NKX6-2: variants seen among roughly 807,000 people sequenced by gnomAD.
The protein encoded by NKX6-2 is homeobox protein Nkx-6.2.
NKX6-2 carries 22 observed loss-of-function variants against 19.9 expected under a neutral mutation model. The observed-to-expected ratio is 1.10, with a 90% CI of 0.79 to 1.58. The LOEUF (loss-of-function observed/expected upper bound fraction) is 1.58, where lower values mean the gene tolerates loss of function less well. NKX6-2 is among the 40% of genes most tolerant of loss of function. NKX6-2 has a pLI of 0.00. For missense variants in NKX6-2, 475 were observed against 410.6 expected, an observed-to-expected ratio of 1.16 and a Z score of -1.35; for synonymous variants, 257 against 204.0, an observed-to-expected ratio of 1.26 and a Z score of -2.21.
rs1308215128 is a variant in NKX6-2 at position 132,783,369 on chromosome 10, C to T, written c.*1547G>A. ...TGTCGCTGCTGTGGTTGCCGCTGTC[C>T]GCGGTTCAACACGGAGTCCGCCCCG... On this transcript the variant is annotated 3_prime_UTR_variant, in exon 3 of 3. Coordinates refer to ENST00000368592, the MANE Select transcript of NKX6-2 (RefSeq NM_177400.3). 1.3e-5 allele frequency: 2 copies of T among 152,338 alleles called. No individual in the cohort carries two copies. Among genetic ancestry groups the T allele is most frequent in the East Asian group, 1.9e-4 (1 of 5,190 alleles). 9.4% of individuals were successfully genotyped at this position (152,338 alleles called of 1,614,324 possible). A position where few individuals can be genotyped will look rare whatever the true frequency, so the allele number is the denominator to read the frequency against.
rs1227464269 is a variant in NKX6-2, at chr10:132,785,471, G to A, written c.407-19C>T. Reference sequence around the variant, plus strand: ...GCCGGGGCTGCAAGGGAGGGGAAGGGAGGGAGGTCAGCGGCCGGCGGGGTC... The same window carrying A: ...GCCGGGGCTGCAAGGGAGGGGAAGGAAGGGAGGTCAGCGGCCGGCGGGGTC... On this transcript the variant is annotated intron_variant, in intron 1 of 2. Coordinates refer to ENST00000368592, the MANE Select transcript of NKX6-2 (RefSeq NM_177400.3). The surrounding 1 kb of genome is among the most constrained non-coding windows in gnomAD (Gnocchi z 5.5). 4.6e-6 allele frequency: 7 copies of A among 1,528,306 alleles called. No homozygotes were observed. Among genetic ancestry groups the A allele is most frequent in the Non-Finnish European group, 6.2e-6 (7 of 1,137,442 alleles). 94.7% of individuals were successfully genotyped at this position (1,528,306 alleles called of 1,614,324 possible).
In NKX6-2 at chr10:132,783,408, T is replaced by C. The variant is rs1847202776; in HGVS notation, c.*1508A>G. 6.6e-6 allele frequency: 1 copy of C among 152,434 alleles called. No individual in the cohort carries two copies. 9.4% of individuals were successfully genotyped at this position (152,434 alleles called of 1,614,324 possible). On this transcript the variant is annotated 3_prime_UTR_variant, in exon 3 of 3. Coordinates refer to ENST00000368592, the MANE Select transcript of NKX6-2 (RefSeq NM_177400.3). ...GAGTCCGCCCCGCGGGTTTCAGCTG[T>C]TGGTCGTTCTGAGGGGCCTTTGGAA...
Position 132,783,238 on chromosome 10 carries a change from TG to T in NKX6-2, c.*1677del, listed in dbSNP as rs1261817321. 6.6e-6 allele frequency: 1 copy of T among 152,416 alleles called. No homozygotes were observed. Among genetic ancestry groups the T allele is most frequent in the Non-Finnish European group, 1.5e-5 (1 of 68,048 alleles). The allele number at this position is 152,416 out of a possible 1,614,324, so 9.4% of individuals were successfully genotyped here. The stretch of plus-strand genomic sequence containing the variant: ...TTACTTTAGAACACTACAGAGTTCC[TG>T]GACCGGGTGAAGGCATTAGCTGGGT... On this transcript the variant is annotated 3_prime_UTR_variant, in exon 3 of 3. Coordinates refer to ENST00000368592, the MANE Select transcript of NKX6-2 (RefSeq NM_177400.3).
chr10:132,785,442 G>A lies in NKX6-2; in HGVS notation c.417C>T (p.Gly139=), dbSNP rs1219653767. The change falls in exon 2 of 3, where the codon GGC becomes GGT. Residue 139 remains glycine (G), a synonymous_variant. Coordinates refer to ENST00000368592, the MANE Select transcript of NKX6-2 (RefSeq NM_177400.3). The surrounding 1 kb of genome is among the most constrained non-coding windows in gnomAD (Gnocchi z 5.5). The part of the protein sequence containing the change: ...DPRLAGPAPA[G]GVLDKDGKKK... ...TCTTCCCGTCCTTGTCCAGGACGCC[G>A]CCGGCCGGGGCTGCAAGGGAGGGGA... 7.6e-6 allele frequency: 12 copies of A among 1,581,628 alleles called. No homozygotes were observed. In the South Asian group the frequency reaches 1.3e-4, roughly 17 times the overall value.
At position 132,785,199 on chromosome 10, in the gene NKX6-2, C is replaced by T. The variant is rs908153790; in HGVS notation, c.580-29G>A. ...GGAGTGGACGGGGCGGTCAGGCGGCCGCGGGGCCCGGGGCTGGCGCTGGGG... is the reference window on the plus strand; with the variant it reads ...GGAGTGGACGGGGCGGTCAGGCGGCTGCGGGGCCCGGGGCTGGCGCTGGGG... On this transcript the variant is annotated intron_variant, in intron 2 of 2. Transcript: ENST00000368592. This position sits in a 1 kb window ranked among gnomAD's most constrained non-coding sequence, Gnocchi z 5.5. The T allele has an allele frequency of 2.5e-6, 4 of 1,595,846 alleles. No individual in the cohort carries two copies. Among genetic ancestry groups the T allele is most frequent in the South Asian group, 1.1e-5 (1 of 89,464 alleles).
chr10:132,785,812 C>T lies in NKX6-2; in HGVS notation c.137G>A (p.Gly46Glu). Residue 46 changes from glycine (G) to glutamate (E), a missense_variant, in exon 1 of 3, where the codon GGG becomes GAG. Coordinates refer to ENST00000368592, the MANE Select transcript of NKX6-2 (RefSeq NM_177400.3). This position sits in a 1 kb window ranked among gnomAD's most constrained non-coding sequence, Gnocchi z 5.5. ...GPAGFKAPAL[G>E]GLGAQLPLGT... ...GAGCGGGAGCTGCGCGCCCAGGCCC[C>T]CCAGCGCGGGCGCCTTGAAGCCGGC... The T allele has an allele frequency of 7.2e-7, 1 of 1,379,656 alleles. No individual in the cohort carries two copies. Among genetic ancestry groups the T allele is most frequent in the Non-Finnish European group, 9.4e-7 (1 of 1,063,460 alleles). The allele number at this position is 1,379,656 out of a possible 1,614,324, so 85.5% of individuals were successfully genotyped here.
rs766531889 is a variant in NKX6-2 at position 132,785,412 on chromosome 10, C to T, written c.447G>A (p.Lys149=). ...GGVLDKDGKK[K]HSRPTFSGQQ... is the part of the protein sequence containing the mutation. The stretch of plus-strand genomic sequence containing the variant: ...GGCCCGAGAAGGTCGGGCGCGAGTG[C>T]TTCTTCTTCCCGTCCTTGTCCAGGA... The change falls in exon 2 of 3, where the codon AAG becomes AAA. Residue 149 remains lysine (K), a synonymous_variant. Transcript: ENST00000368592. This position sits in a 1 kb window ranked among gnomAD's most constrained non-coding sequence, Gnocchi z 5.5. 1.9e-6 allele frequency: 3 copies of T among 1,597,468 alleles called. No individual in the cohort carries two copies.
rs1847261125 is a variant in NKX6-2, at chr10:132,785,950, GGCGCCGCCGCCGCC to G, written c.-16_-3del. 1 of 1,087,982 alleles carries G rather than the reference GGCGCCGCCGCCGCC, an allele frequency of 9.2e-7. No homozygotes were observed. The highest frequency in any genetic ancestry group is 1.6e-5 in the African/African-American group (1 of 60,968). The allele number at this position is 1,087,982 out of a possible 1,614,324, so 67.4% of individuals were successfully genotyped here. A position where few individuals can be genotyped will look rare whatever the true frequency, so the allele number is the denominator to read the frequency against. On this transcript the variant is annotated 5_prime_UTR_variant, in exon 1 of 3. Transcript: ENST00000368592. This position sits in a 1 kb window ranked among gnomAD's most constrained non-coding sequence, Gnocchi z 5.5. ...CGCGCCCGGGCGGTTAGTGTCCATG[GGCGCCGCCGCCGCC>G]GGCCCGGGCTCCCATCCGGGCCCCG... is the stretch of plus-strand genomic sequence containing the variant.
Position 132,784,047 on chromosome 10 carries a change from C to T in NKX6-2, c.*869G>A, listed in dbSNP as rs535069804. 6.6e-6 allele frequency: 1 copy of T among 152,388 alleles called. No individual in the cohort carries two copies. The highest frequency in any genetic ancestry group is 1.9e-4 in the East Asian group (1 of 5,190). The allele number at this position is 152,388 out of a possible 1,614,324, so 9.4% of individuals were successfully genotyped here. A position where few individuals can be genotyped will look rare whatever the true frequency, so the allele number is the denominator to read the frequency against. ...GGGAGGCTGGAGGGGTTTTGTCAGC[C>T]GCAGTCACAGCCCCGCGGAGCTGGC... On this transcript the variant is annotated 3_prime_UTR_variant, in exon 3 of 3. Coordinates refer to ENST00000368592, the MANE Select transcript of NKX6-2 (RefSeq NM_177400.3).
Position 132,785,986 on chromosome 10 carries a change from CCCGCCG to C in NKX6-2, c.-44_-39del. The C allele has an allele frequency of 1.6e-6, 1 of 611,338 alleles. No homozygotes were observed. Among genetic ancestry groups the C allele is most frequent in the Non-Finnish European group, 2.2e-6 (1 of 445,378 alleles). 37.9% of individuals were successfully genotyped at this position (611,338 alleles called of 1,614,324 possible). A position where few individuals can be genotyped will look rare whatever the true frequency, so the allele number is the denominator to read the frequency against. On this transcript the variant is annotated 5_prime_UTR_variant, in exon 1 of 3. Transcript: ENST00000368592. The surrounding 1 kb of genome is among the most constrained non-coding windows in gnomAD (Gnocchi z 5.5). ...CGCCGGCCCGGGCTCCCATCCGGGC[CCCGCCG>C]CCGCCGCCCCTGCCCGCCGGCCCGG...
chr10:132,785,633 G>C lies in NKX6-2; in HGVS notation c.316C>G (p.Pro106Ala). Reference protein sequence around the residue: ...AAAVARGYPKPLAELPGRPPI... With the variant: ...AAAVARGYPKALAELPGRPPI... ...GGGCGCCCCGGCAGCTCGGCCAGGG[G>C]CTTGGGGTAGCCGCGCGCCACAGCG... is the stretch of plus-strand genomic sequence containing the variant. Residue 106 changes from proline to alanine, a missense_variant, in exon 1 of 3, where the codon CCC becomes GCC. By Grantham distance (27) the Pro-to-Ala change is conservative (BLOSUM62 -1). Transcript: ENST00000368592. This position sits in a 1 kb window ranked among gnomAD's most constrained non-coding sequence, Gnocchi z 5.5. The C allele has an allele frequency of 8.0e-7, 1 of 1,252,534 alleles. No homozygotes were observed. The highest frequency in any genetic ancestry group is 1.0e-6 in the Non-Finnish European group (1 of 1,002,462). The allele number at this position is 1,252,534 out of a possible 1,614,324, so 77.6% of individuals were successfully genotyped here.
In NKX6-2 at chr10:132,784,102, G is replaced by C. The variant is rs902163979; in HGVS notation, c.*814C>G. 1 of 152,202 alleles carries C rather than the reference G, an allele frequency of 6.6e-6. No individual in the cohort carries two copies. Among genetic ancestry groups the C allele is most frequent in the African/African-American group, 2.4e-5 (1 of 41,466 alleles). 9.4% of individuals were successfully genotyped at this position (152,202 alleles called of 1,614,324 possible). On this transcript the variant is annotated 3_prime_UTR_variant, in exon 3 of 3. Transcript: ENST00000368592. ...TTTCAGGGCAGGAGACGGGTCCCCC[G>C]AGCCCCCGGCTGGGCGCTGCGGGCC...
Position 132,785,793 on chromosome 10 carries a change from G to A in NKX6-2, c.156C>T (p.Leu52=). The stretch of plus-strand genomic sequence containing the variant: ...TGATGCCGTGCGGGGTCCCGAGCGG[G>A]AGCTGCGCGCCCAGGCCCCCCAGCG... ...APALGGLGAQ[L]PLGTPHGISD... is the part of the protein sequence containing the mutation. Residue 52 remains leucine, a synonymous_variant, in exon 1 of 3, where the codon CTC becomes CTT. Transcript: ENST00000368592. The surrounding 1 kb of genome is among the most constrained non-coding windows in gnomAD (Gnocchi z 5.5). The A allele has an allele frequency of 7.4e-7, 1 of 1,346,966 alleles. No homozygotes were observed. Among genetic ancestry groups the A allele is most frequent in the Non-Finnish European group, 9.5e-7 (1 of 1,048,298 alleles). The allele number at this position is 1,346,966 out of a possible 1,614,324, so 83.4% of individuals were successfully genotyped here. A position where few individuals can be genotyped will look rare whatever the true frequency, so the allele number is the denominator to read the frequency against.
In NKX6-2 at chr10:132,786,111, G is replaced by GGGCGGCGGC. The variant is rs1028740709; in HGVS notation, c.-172_-164dup. 1.4e-5 allele frequency: 2 copies of GGGCGGCGGC among 144,574 alleles called. No homozygotes were observed. The highest frequency in any genetic ancestry group is 5.0e-5 in the African/African-American group (2 of 40,078). 9.0% of individuals were successfully genotyped at this position (144,574 alleles called of 1,614,324 possible). Reference sequence around the variant, plus strand: ...CGGCTCCGGCGCGGGGCGGGCGGGCGGGCGGCGGCGGCGGCGGCTCCGGGG... The same window carrying GGGCGGCGGC: ...CGGCTCCGGCGCGGGGCGGGCGGGCGGGCGGCGGCGGCGGCGGCGGCGGCGGCTCCGGGG... On this transcript the variant is annotated 5_prime_UTR_variant, in exon 1 of 3. Transcript: ENST00000368592.
chr10:132,783,215 A>C lies in NKX6-2; in HGVS notation c.*1701T>G, dbSNP rs1441609262. On this transcript the variant is annotated 3_prime_UTR_variant, in exon 3 of 3. Transcript: ENST00000368592. Reference sequence around the variant, plus strand: ...CACAAATGTATGTTTTATTGATTTTACTTTAGAACACTACAGAGTTCCTGG... The same window carrying C: ...CACAAATGTATGTTTTATTGATTTTCCTTTAGAACACTACAGAGTTCCTGG... 1 of 152,412 alleles carries C rather than the reference A, an allele frequency of 6.6e-6. No individual in the cohort carries two copies. Among genetic ancestry groups the C allele is most frequent in the Non-Finnish European group, 1.5e-5 (1 of 68,042 alleles). The allele number at this position is 152,412 out of a possible 1,614,324, so 9.4% of individuals were successfully genotyped here. A position where few individuals can be genotyped will look rare whatever the true frequency, so the allele number is the denominator to read the frequency against.
Position 132,783,183 on chromosome 10 carries a change from G to C in NKX6-2, c.*1733C>G, listed in dbSNP as rs1133513. ...TTAGAAGGTGATTAGAGAGTCTGTTGATGAAACACAAATGTATGTTTTATT... is the reference window on the plus strand; with the variant it reads ...TTAGAAGGTGATTAGAGAGTCTGTTCATGAAACACAAATGTATGTTTTATT... On this transcript the variant is annotated 3_prime_UTR_variant, in exon 3 of 3. Coordinates refer to ENST00000368592, the MANE Select transcript of NKX6-2 (RefSeq NM_177400.3). 6.6e-6 allele frequency: 1 copy of C among 152,438 alleles called. No individual in the cohort carries two copies. The highest frequency in any genetic ancestry group is 2.4e-5 in the African/African-American group (1 of 41,444). The allele number at this position is 152,438 out of a possible 1,614,324, so 9.4% of individuals were successfully genotyped here.
At position 132,783,870 on chromosome 10, in the gene NKX6-2, CCTTT is replaced by C. The variant is rs1230900816; in HGVS notation, c.*1042_*1045del. 1.1e-4 allele frequency: 17 copies of C among 152,382 alleles called. No homozygotes were observed. In the South Asian group the frequency reaches 1.9e-3, roughly 17 times the overall value. The allele number at this position is 152,382 out of a possible 1,614,324, so 9.4% of individuals were successfully genotyped here. A position where few individuals can be genotyped will look rare whatever the true frequency, so the allele number is the denominator to read the frequency against. The stretch of plus-strand genomic sequence containing the variant: ...AAAACAAAACGCGCCGAGTTTAAGC[CCTTT>C]CTATTTCCCTTTAACGCTTCCGCAA... On this transcript the variant is annotated 3_prime_UTR_variant, in exon 3 of 3. Transcript: ENST00000368592.
In NKX6-2 at chr10:132,784,627, GCCGGGCC is replaced by G. The variant is rs1847226137; in HGVS notation, c.*282_*288del. 2 of 369,388 alleles carry G rather than the reference GCCGGGCC, an allele frequency of 5.4e-6. No homozygotes were observed. The highest frequency in any genetic ancestry group is 4.3e-5 in the African/African-American group (2 of 46,394). The allele number at this position is 369,388 out of a possible 1,614,324, so 22.9% of individuals were successfully genotyped here. On this transcript the variant is annotated 3_prime_UTR_variant, in exon 3 of 3. Transcript: ENST00000368592. ...CTGTCGCTGCGGTTCCTTCCCGCGG[GCCGGGCC>G]CCTTCCCTGCGCCTTCGCCGCCTCC... is the stretch of plus-strand genomic sequence containing the variant.
chr10:132,785,527 C>T lies in NKX6-2; in HGVS notation c.406+16G>A. Reference sequence around the variant, plus strand: ...CCGCGCCCACCCGCCCCGCACCCCCCGCGCGGGCCACTCACCCGGGCCAGC... The same window carrying T: ...CCGCGCCCACCCGCCCCGCACCCCCTGCGCGGGCCACTCACCCGGGCCAGC... On this transcript the variant is annotated intron_variant, in intron 1 of 2. Transcript: ENST00000368592. This position sits in a 1 kb window ranked among gnomAD's most constrained non-coding sequence, Gnocchi z 5.5. 7.2e-7 allele frequency: 1 copy of T among 1,382,852 alleles called. No homozygotes were observed. Among genetic ancestry groups the T allele is most frequent in the Non-Finnish European group, 9.3e-7 (1 of 1,072,308 alleles). The allele number at this position is 1,382,852 out of a possible 1,614,324, so 85.7% of individuals were successfully genotyped here.
Sources: gnomAD v4.1 joint callset for allele counts on GRCh38, gnomAD v4.1.1 for gene constraint, Gnocchi (gnomAD v3.1) non-coding constraint, MANE v1.5 for transcripts, NCBI Gene and HGNC (gene_info 2026-07-23, HGNC 2026-07-21) for gene names.